Variants in CORIN observed in about 807,000 individuals in gnomAD.
CORIN encodes the protein atrial natriuretic peptide-converting enzyme.
A neutral mutation model predicts 125.3 loss-of-function variants in CORIN; 117 were observed. The observed-to-expected ratio is 0.93, with a 90% CI of 0.80 to 1.09. CORIN has a LOEUF of 1.09. CORIN is among the 50% of genes least tolerant of loss of function. The pLI, the probability that CORIN is intolerant of heterozygous loss-of-function variation, is 0.00. For synonymous variants in CORIN, 450 were observed against 466.4 expected, an observed-to-expected ratio of 0.96 and a Z score of 0.45; for missense variants, 1,253 against 1,306.7, an observed-to-expected ratio of 0.96 and a Z score of 0.63.
chr4:47,657,344 T>C (rs986169169), intron 12 of CORIN, among the ~76,000 whole-genome samples: 7 of 151,808 alleles, frequency 4.6e-5, no homozygotes, highest in Non-Finnish European at 1.0e-4. Flanking sequence ...CCATCCTGGC[T>C]AACACAGTAA....
intron 16 of CORIN, among the ~76,000 whole-genome samples, chr4:47,637,069 G>C (rs1267847376): frequency 6.6e-6 from 1 of 152,168 alleles, no homozygotes; most frequent in Non-Finnish European, 1.5e-5. Context: ...TGAGGAACTT[G>C]TTGGGAACCG....
In CORIN at chr4:47,786,746, C is replaced by G; in HGVS notation, c.388G>C (p.Asp130His). 1.2e-6 allele frequency: 2 copies of G among 1,614,034 alleles called. No homozygotes were observed. Among genetic ancestry groups the G allele is most frequent in the South Asian group, 2.2e-5 (2 of 91,058 alleles). ...TTACTTGTATTCCTGTGACTTTGGTCCCCTGGGAGAGAAGCATCCGTAGTC... is the reference window on the plus strand; with the variant it reads ...TTACTTGTATTCCTGTGACTTTGGTGCCCTGGGAGAGAAGCATCCGTAGTC... ...AWTTDASLPG[D>H]QSHRNTSACM... is the part of the protein sequence containing the mutation. Residue 130 changes from aspartate (D) to histidine (H), a missense_variant, in exon 3 of 22, where the codon GAC becomes CAC. Asp to His is a moderately conservative substitution (Grantham distance 81, BLOSUM62 -1). Transcript: ENST00000273857.
intron 2 of CORIN, among the ~76,000 whole-genome samples, chr4:47,795,123 C>T (rs945884737): frequency 6.6e-6 from 1 of 152,064 alleles, no homozygotes; most frequent in African/African-American, 2.4e-5. Flanking sequence ...TATTTCTGGG[C>T]TCTATATTCT....
chr4:47,677,200 A>G (rs780063495), intron 9 of CORIN, among the ~76,000 whole-genome samples: 2 of 152,210 alleles, frequency 1.3e-5, no homozygotes, highest in Non-Finnish European at 2.9e-5. Flanking sequence ...GTGTACAGAC[A>G]CGCAAACTGA....
At chr4:47,788,146 G>C (rs528306364) in intron 2 of CORIN, among the ~76,000 whole-genome samples, 1 of 152,102 alleles carries the variant, frequency 6.6e-6, no homozygotes, top group East Asian at 1.9e-4. Context: ...TTGACCCATC[G>C]ATAGAAAGAG....
chr4:47,656,582 C>A (rs1723992375), intron 12 of CORIN, among the ~76,000 whole-genome samples: 1 of 152,130 alleles, frequency 6.6e-6, no homozygotes, highest in Non-Finnish European at 1.5e-5. Flanking sequence ...AATTCAACAT[C>A]CCTTCCTGAA....
intron 5 of CORIN, among the ~76,000 whole-genome samples, chr4:47,735,023 C>T (rs1426911699): frequency 6.6e-6 from 1 of 152,048 alleles, no homozygotes; most frequent in Non-Finnish European, 1.5e-5. Context: ...AGAAAAAGTG[C>T]TCAATCAATA....
At chr4:47,607,193 G>A (rs201518178) in intron 19 of CORIN, among the ~76,000 whole-genome samples, 40,817 of 151,660 alleles carry the variant, frequency 0.27, 5,559 homozygotes, top group Admixed American at 0.35. Flanking sequence ...CAGATCACGA[G>A]GTCAGGAGAC....
intron 19 of CORIN, among the ~76,000 whole-genome samples, chr4:47,614,026 A>T (rs1448186985): frequency 1.3e-5 from 2 of 152,202 alleles, no homozygotes; most frequent in Non-Finnish European, 2.9e-5. Flanking sequence ...GGCTTTGTCT[A>T]AAAAGAAACA....
chr4:47,707,914 T>C (rs747159476), intron 5 of CORIN, among the ~76,000 whole-genome samples: 5 of 152,236 alleles, frequency 3.3e-5, no homozygotes, highest in Admixed American at 1.3e-4. Flanking sequence ...CTAATACTTA[T>C]CTGGTGCTTT....
intron 3 of CORIN, among the ~76,000 whole-genome samples, chr4:47,773,084 C>T (rs9996270): frequency 0.057 from 8,688 of 151,974 alleles, 767 homozygotes; most frequent in African/African-American, 0.19. Context: ...TGAGTCTCTA[C>T]TATACAAAGG....
chr4:47,729,830 C>G (rs1727781520), intron 5 of CORIN, among the ~76,000 whole-genome samples: 1 of 152,116 alleles, frequency 6.6e-6, no homozygotes, highest in Admixed American at 6.5e-5. Flanking sequence ...ACCAGCAGAT[C>G]AGTGAAAACG....
chr4:47,822,732 A>T (rs1343327254), intron 1 of CORIN, among the ~76,000 whole-genome samples: 1 of 152,024 alleles, frequency 6.6e-6, no homozygotes, highest in Non-Finnish European at 1.5e-5. Context: ...TACTGTTGGG[A>T]TGGGTCAAGC....
intron 5 of CORIN, among the ~76,000 whole-genome samples, chr4:47,742,702 C>T (rs1203365657): frequency 6.6e-6 from 1 of 151,798 alleles, no homozygotes; most frequent in Non-Finnish European, 1.5e-5. Flanking sequence ...TTAATGCAGT[C>T]CCAATTTAAA....
chr4:47,793,211 A>G (rs1176353687), intron 2 of CORIN, among the ~76,000 whole-genome samples: 1 of 152,128 alleles, frequency 6.6e-6, no homozygotes, highest in Non-Finnish European at 1.5e-5. Context: ...ATTGTAGCAC[A>G]TATGCACTCA....
intron 3 of CORIN, among the ~76,000 whole-genome samples, chr4:47,783,589 T>C (rs1202529054): frequency 6.6e-6 from 1 of 152,152 alleles, no homozygotes; most frequent in African/African-American, 2.4e-5. Context: ...GACTGAAGTA[T>C]ATTTAAATAG....
intron 1 of CORIN, among the ~76,000 whole-genome samples, chr4:47,825,267 G>A (rs1319140489): frequency 6.6e-6 from 1 of 152,174 alleles, no homozygotes; most frequent in African/African-American, 2.4e-5. Flanking sequence ...AGTCTTTCCT[G>A]GCAATTATGT....
intron 4 of CORIN, among the ~76,000 whole-genome samples, chr4:47,756,380 C>T (rs1729147661): frequency 6.6e-6 from 1 of 152,150 alleles, no homozygotes; most frequent in Admixed American, 6.5e-5. Context: ...ATGTAATCTG[C>T]CCCCAAACTT....
At chr4:47,699,818 G>A (rs889041333) in intron 5 of CORIN, among the ~76,000 whole-genome samples, 1 of 152,194 alleles carries the variant, frequency 6.6e-6, no homozygotes, top group Non-Finnish European at 1.5e-5. Context: ...GTTTATGAGT[G>A]GCATTTGCTC....
Sources: gnomAD v4.1 joint callset for allele counts (sites outside exome capture counted in the v4.1 genomes callset) on GRCh38, gnomAD v4.1.1 for gene constraint, MANE v1.5 for transcripts, NCBI Gene and HGNC (gene_info 2026-07-23, HGNC 2026-07-21) for gene names.